HIC1: variants seen among roughly 807,000 people sequenced by gnomAD.
HIC1 encodes the protein HIC ZBTB transcriptional repressor 1.
A neutral mutation model predicts 26.4 loss-of-function variants in HIC1; 9 were observed. The ratio of observed to expected loss-of-function variants is 0.34; its 90% confidence interval spans 0.21 to 0.59. HIC1 has a LOEUF of 0.59. Among genes scored for constraint, HIC1 ranks in the 20% least tolerant of loss-of-function variants. The pLI, the probability that HIC1 is intolerant of heterozygous loss-of-function variation, is 0.82. For missense variants in HIC1, 965 were observed against 1,075.7 expected, an observed-to-expected ratio of 0.90 and a Z score of 1.44; for synonymous variants, 631 against 523.1, an observed-to-expected ratio of 1.21 and a Z score of -2.81.
chr17:2,058,226 G>C lies in HIC1; in HGVS notation c.1536G>C (p.Leu512=), dbSNP rs369179545. Residue 512 remains leucine (L), a synonymous_variant, in exon 2 of 2, where the codon CTG becomes CTC. Coordinates refer to ENST00000619757, the MANE Select transcript of HIC1 (RefSeq NM_006497.4). ...TLRQHEKTHW[L]TRPYPCTICG... Reference sequence around the variant, plus strand: ...GGCAGCACGAGAAGACGCACTGGCTGACCCGGCCCTACCCATGCACCATCT... The same window carrying C: ...GGCAGCACGAGAAGACGCACTGGCTCACCCGGCCCTACCCATGCACCATCT... The C allele has an allele frequency of 5.1e-5, 83 of 1,611,656 alleles. No individual in the cohort carries two copies. Among genetic ancestry groups the C allele is most frequent in the Non-Finnish European group, 6.7e-5 (79 of 1,179,818 alleles).
rs771619699 is a variant in HIC1 at position 2,058,073 on chromosome 17, C to A, written c.1383C>A (p.Ala461=). The A allele has an allele frequency of 6.3e-7, 1 of 1,581,514 alleles. No individual in the cohort carries two copies. The highest frequency in any genetic ancestry group is 2.3e-5 in the East Asian group (1 of 43,440). ...AEAAEVAAGA[A]GLGPPFGGGG... is the part of the protein sequence containing the mutation. ...CGGCCGAAGTGGCCGCTGGGGCCGC[C>A]GGCCTAGGGCCCCCTTTTGGAGGCG... Residue 461 remains alanine (A), a synonymous_variant, in exon 2 of 2, where the codon GCC becomes GCA. Transcript: ENST00000619757.
rs2067734012 is a variant in HIC1, at chr17:2,060,232, C to G, written c.*1397C>G. The G allele has an allele frequency of 6.6e-6, 1 of 152,396 alleles. No individual in the cohort carries two copies. Among genetic ancestry groups the G allele is most frequent in the South Asian group, 2.1e-4 (1 of 4,836 alleles). 9.4% of individuals were successfully genotyped at this position (152,396 alleles called of 1,614,324 possible). ...AAACCCCGTCTTCCCCTAAGTTGTCCTTGTCTCTGGCCCTGGGTTTCAGGA... is the reference window on the plus strand; with the variant it reads ...AAACCCCGTCTTCCCCTAAGTTGTCGTTGTCTCTGGCCCTGGGTTTCAGGA... On this transcript the variant is annotated 3_prime_UTR_variant, in exon 2 of 2. Transcript: ENST00000619757.
At position 2,061,496 on chromosome 17, in the gene HIC1, C is replaced by A; in HGVS notation, c.*2661C>A. ...GGGGGCCCCAGTGTGGCTCCCTCAG[C>A]CCACCTGGGCCCACGTGAGGAAGGC... On this transcript the variant is annotated 3_prime_UTR_variant, in exon 2 of 2. Coordinates refer to ENST00000619757, the MANE Select transcript of HIC1 (RefSeq NM_006497.4). The A allele has an allele frequency of 1.3e-6, 2 of 1,570,326 alleles. No homozygotes were observed. The highest frequency in any genetic ancestry group is 8.6e-7 in the Non-Finnish European group (1 of 1,159,130).
At position 2,059,063 on chromosome 17, in the gene HIC1, A is replaced by G. The variant is rs1051338148; in HGVS notation, c.*228A>G. ...GTGGGATGGGGTAAGGGAAATTTAT[A>G]TTTTTGATATCAGCTTTGACCAAAG... On this transcript the variant is annotated 3_prime_UTR_variant, in exon 2 of 2. Coordinates refer to ENST00000619757, the MANE Select transcript of HIC1 (RefSeq NM_006497.4). 2 of 464,300 alleles carry G rather than the reference A, an allele frequency of 4.3e-6. No individual in the cohort carries two copies. Among genetic ancestry groups the G allele is most frequent in the African/African-American group, 4.1e-5 (2 of 48,434 alleles). 28.8% of individuals were successfully genotyped at this position (464,300 alleles called of 1,614,324 possible).
In HIC1 at chr17:2,061,253, C is replaced by T; in HGVS notation, c.*2418C>T. The T allele has an allele frequency of 2.2e-6, 1 of 453,238 alleles. No individual in the cohort carries two copies. Among genetic ancestry groups the T allele is most frequent in the Non-Finnish European group, 4.0e-6 (1 of 247,642 alleles). The allele number at this position is 453,238 out of a possible 1,614,324, so 28.1% of individuals were successfully genotyped here. ...CCCAGCTGCTGTTGCTGTAGCCAGC[C>T]ACCTCCCTGCTAAATCCTGGCAGCC... is the stretch of plus-strand genomic sequence containing the variant. On this transcript the variant is annotated 3_prime_UTR_variant, in exon 2 of 2. Coordinates refer to ENST00000619757, the MANE Select transcript of HIC1 (RefSeq NM_006497.4).
Position 2,058,121 on chromosome 17 carries a change from T to G in HIC1, c.1431T>G (p.Ala477=), listed in dbSNP as rs1029707644. ...FGGGGDKVAG[A]PGGLGELLRP... is the part of the protein sequence containing the mutation. ...GCGGCGGGGACAAGGTCGCCGGGGC[T>G]CCGGGTGGCCTGGGAGAGCTGCTGC... Residue 477 remains alanine (A), a synonymous_variant, in exon 2 of 2, where the codon GCT becomes GCG. Coordinates refer to ENST00000619757, the MANE Select transcript of HIC1 (RefSeq NM_006497.4). 3 of 1,601,484 alleles carry G rather than the reference T, an allele frequency of 1.9e-6. No individual in the cohort carries two copies. In the South Asian group the frequency reaches 3.3e-5, roughly 18 times the overall value.
In HIC1 at chr17:2,057,843, G is replaced by A; in HGVS notation, c.1153G>A (p.Gly385Ser). The change falls in exon 2 of 2, where the codon GGT (glycine) becomes AGT (serine). Residue 385 changes from glycine (G) to serine (S), a missense_variant. By Grantham distance (56) the Gly-to-Ser change is moderately conservative. Around this residue, in one of 6 missense-constraint regions of HIC1, gnomAD observed 526 missense variants for 525.0 expected, o/e 1.00. Coordinates refer to ENST00000619757, the MANE Select transcript of HIC1 (RefSeq NM_006497.4). ...CTACAAGAGCAGCAGCGAGGAGACC[G>A]GTAGCAGCGAGGACCCCAGCCCGCC... ...DDYKSSSEETGSSEDPSPPGG... is the reference protein window; with the variant it reads ...DDYKSSSEETSSSEDPSPPGG... 2 of 1,582,796 alleles carry A rather than the reference G, an allele frequency of 1.3e-6. No individual in the cohort carries two copies. The highest frequency in any genetic ancestry group is 1.1e-5 in the South Asian group (1 of 87,642).
intron 1 of HIC1, 127 bp from the exon 2 acceptor site, chr17:2,056,544 C>A: frequency 7.2e-7 from 1 of 1,396,860 alleles, no homozygotes; most frequent in Non-Finnish European, 9.6e-7. Context: ...TTCGCCGGTG[C>A]CCAGGCCGCA....
chr17:2,057,907 C>A lies in HIC1; in HGVS notation c.1217C>A (p.Ala406Asp), dbSNP rs1470233457. 6.2e-7 allele frequency: 1 copy of A among 1,607,154 alleles called. No individual in the cohort carries two copies. The highest frequency in any genetic ancestry group is 2.2e-5 in the East Asian group (1 of 44,746). ...HLEGYPCPHL[A>D]YGEPESFGDN... is the part of the protein sequence containing the mutation. ...GAGGGCTACCCATGCCCGCACCTGG[C>A]CTATGGCGAGCCCGAGAGCTTCGGT... is the stretch of plus-strand genomic sequence containing the variant. Residue 406 changes from alanine to aspartate, a missense_variant, in exon 2 of 2, where the codon GCC (alanine) becomes GAC (aspartate). By Grantham distance (126) the Ala-to-Asp change is moderately radical. Around this residue, in one of 6 missense-constraint regions of HIC1, gnomAD observed 526 missense variants for 525.0 expected, o/e 1.00. Coordinates refer to ENST00000619757, the MANE Select transcript of HIC1 (RefSeq NM_006497.4).
In HIC1 at chr17:2,061,597, C is replaced by A; in HGVS notation, c.*2762C>A. On this transcript the variant is annotated 3_prime_UTR_variant, in exon 2 of 2. Coordinates refer to ENST00000619757, the MANE Select transcript of HIC1 (RefSeq NM_006497.4). ...TCCGGTCATCCGTCAACAGCACCAC[C>A]TCCCGCAGTAGCCGGATTGGCTCCT... The A allele has an allele frequency of 6.4e-7, 1 of 1,572,658 alleles. No individual in the cohort carries two copies. The highest frequency in any genetic ancestry group is 8.6e-7 in the Non-Finnish European group (1 of 1,158,682).
In HIC1 at chr17:2,056,894, C is replaced by T. The variant is rs1380258240; in HGVS notation, c.204C>T (p.Asp68=). 1 of 1,612,884 alleles carries T rather than the reference C, an allele frequency of 6.2e-7. No homozygotes were observed. Among genetic ancestry groups the T allele is most frequent in the Non-Finnish European group, 8.5e-7 (1 of 1,179,902 alleles). ...ACAACCTGCTCAACCTGGACCATGA[C>T]ATGGTGAGCCCGGCCGTGTTCCGCC... ...VHDNLLNLDH[D]MVSPAVFRLV... Residue 68 remains aspartate, a synonymous_variant, in exon 2 of 2, where the codon GAC becomes GAT. Transcript: ENST00000619757.
chr17:2,058,905 C>G lies in HIC1; in HGVS notation c.*70C>G, dbSNP rs1033981865. ...CCCGCACCCCAGGGAGCGGCGGGGG[C>G]GGCGCGCAGGGCCCACTGTGCCCGG... On this transcript the variant is annotated 3_prime_UTR_variant, in exon 2 of 2. Coordinates refer to ENST00000619757, the MANE Select transcript of HIC1 (RefSeq NM_006497.4). The G allele has an allele frequency of 2.3e-6, 3 of 1,286,594 alleles. No individual in the cohort carries two copies. Among genetic ancestry groups the G allele is most frequent in the South Asian group, 1.9e-5 (1 of 53,396 alleles). The allele number at this position is 1,286,594 out of a possible 1,614,324, so 79.7% of individuals were successfully genotyped here.
At position 2,061,995 on chromosome 17, in the gene HIC1, C is replaced by A; in HGVS notation, c.*3160C>A. 6.1e-6 allele frequency: 1 copy of A among 164,748 alleles called. No homozygotes were observed. Among genetic ancestry groups the A allele is most frequent in the Non-Finnish European group, 1.3e-5 (1 of 77,090 alleles). The allele number at this position is 164,748 out of a possible 1,614,324, so 10.2% of individuals were successfully genotyped here. ...CCAGATCACAACACCGCTCTCCCCA[C>A]ACCCCACTTTTTTTTTTTTAACAAG... is the stretch of plus-strand genomic sequence containing the variant. On this transcript the variant is annotated 3_prime_UTR_variant, in exon 2 of 2. Coordinates refer to ENST00000619757, the MANE Select transcript of HIC1 (RefSeq NM_006497.4).
chr17:2,056,644 T>C (rs1332340270), intron 1 of HIC1, 27 bp from the exon 2 acceptor site: 1 of 1,509,462 alleles, frequency 6.6e-7, no homozygotes, highest in Non-Finnish European at 8.9e-7. Flanking sequence ...CGCACGGCTC[T>C]CACCCGGCCG....
chr17:2,056,953 C>T lies in HIC1; in HGVS notation c.263C>T (p.Ala88Val). The part of the protein sequence containing the change: ...VLDFIYTGRL[A>V]DGAEAAAAAA... ...GACTTCATCTACACCGGCCGCCTGG[C>T]TGACGGCGCAGAGGCGGCTGCGGCC... is the stretch of plus-strand genomic sequence containing the variant. The change falls in exon 2 of 2, where the codon GCT becomes GTT. Residue 88 changes from alanine (A) to valine (V), a missense_variant. Around this residue, in one of 6 missense-constraint regions of HIC1, gnomAD observed 526 missense variants for 525.0 expected, o/e 1.00. Transcript: ENST00000619757. 6.2e-7 allele frequency: 1 copy of T among 1,606,210 alleles called. No individual in the cohort carries two copies. Among genetic ancestry groups the T allele is most frequent in the Non-Finnish European group, 8.5e-7 (1 of 1,177,364 alleles).
At position 2,057,038 on chromosome 17, in the gene HIC1, C is replaced by T; in HGVS notation, c.348C>T (p.Tyr116=). 1.3e-6 allele frequency: 2 copies of T among 1,491,118 alleles called. No homozygotes were observed. Among genetic ancestry groups the T allele is most frequent in the Non-Finnish European group, 1.8e-6 (2 of 1,125,682 alleles). The allele number at this position is 1,491,118 out of a possible 1,614,324, so 92.4% of individuals were successfully genotyped here. A position where few individuals can be genotyped will look rare whatever the true frequency, so the allele number is the denominator to read the frequency against. Residue 116 remains tyrosine, a synonymous_variant, in exon 2 of 2, where the codon TAC becomes TAT. Coordinates refer to ENST00000619757, the MANE Select transcript of HIC1 (RefSeq NM_006497.4). ...SLGAVLAAAS[Y]LQIPDLVALC... ...GCGCCGTGCTGGCCGCCGCCAGCTA[C>T]CTGCAGATCCCCGACCTCGTGGCGC...
In HIC1 at chr17:2,061,389, G is replaced by A; in HGVS notation, c.*2554G>A. On this transcript the variant is annotated 3_prime_UTR_variant, in exon 2 of 2. Coordinates refer to ENST00000619757, the MANE Select transcript of HIC1 (RefSeq NM_006497.4). Reference sequence around the variant, plus strand: ...TGGAAGAGGATGGTTTATTGTCTGGGTGGATTGGTGGCTCAGGCACGTGGG... The same window carrying A: ...TGGAAGAGGATGGTTTATTGTCTGGATGGATTGGTGGCTCAGGCACGTGGG... The A allele has an allele frequency of 8.6e-7, 1 of 1,160,472 alleles. No homozygotes were observed. Among genetic ancestry groups the A allele is most frequent in the Non-Finnish European group, 1.2e-6 (1 of 826,022 alleles). 71.9% of individuals were successfully genotyped at this position (1,160,472 alleles called of 1,614,324 possible). A position where few individuals can be genotyped will look rare whatever the true frequency, so the allele number is the denominator to read the frequency against.
Position 2,058,950 on chromosome 17 carries a change from C to A in HIC1, c.*115C>A. The stretch of plus-strand genomic sequence containing the variant: ...GCCCGGGACAACCGCAGCGTCGCCA[C>A]AGTGGCGGCTCCACCTCTCGGCGGC... On this transcript the variant is annotated 3_prime_UTR_variant, in exon 2 of 2. Coordinates refer to ENST00000619757, the MANE Select transcript of HIC1 (RefSeq NM_006497.4). 1.0e-6 allele frequency: 1 copy of A among 964,860 alleles called. No individual in the cohort carries two copies. The highest frequency in any genetic ancestry group is 1.4e-6 in the Non-Finnish European group (1 of 699,280). 59.8% of individuals were successfully genotyped at this position (964,860 alleles called of 1,614,324 possible).
rs2067699661 is a variant in HIC1, at chr17:2,058,620, AAGC to A, written c.1936_1938del (p.Gln646del). Reference sequence around the variant, plus strand: ...CCTCACGGCCGAGCAGCTGAGCCTGAAGCAGCAGGACAAGGCGGCCGCGGCCGA... The same window carrying A: ...CCTCACGGCCGAGCAGCTGAGCCTGAAGCAGGACAAGGCGGCCGCGGCCGA... On this transcript the variant is annotated inframe_deletion, in exon 2 of 2. Coordinates refer to ENST00000619757, the MANE Select transcript of HIC1 (RefSeq NM_006497.4). 1 of 1,562,348 alleles carries A rather than the reference AAGC, an allele frequency of 6.4e-7. No individual in the cohort carries two copies. The highest frequency in any genetic ancestry group is 1.4e-5 in the African/African-American group (1 of 71,482).
Sources: gnomAD v4.1 joint callset for allele counts on GRCh38, gnomAD v4.1.1 for gene constraint, gnomAD v4.1.1 regional missense constraint, MANE v1.5 for transcripts, NCBI Gene and HGNC (gene_info 2026-07-23, HGNC 2026-07-21) for gene names.